Variants in ABCC5 observed in about 807,000 individuals in gnomAD.
ABCC5 encodes ATP binding cassette subfamily C member 5.
ABCC5 carries 61 observed loss-of-function variants against 160.9 expected under a neutral mutation model. The observed-to-expected ratio is 0.38, with a 90% confidence interval of 0.31 to 0.47. ABCC5 has a LOEUF of 0.47. ABCC5 is among the 20% of genes least tolerant of loss of function. The pLI is 0.99. For missense variants in ABCC5, 1,308 were observed against 1,813.3 expected (o/e 0.72, Z 5.06); for synonymous variants, 666 against 700.6 (o/e 0.95, Z 0.78).
intron 24 of ABCC5, among the ~76,000 whole-genome samples, chr3:183,943,853 A>G (rs1714592867): frequency 6.6e-6 from 1 of 152,134 alleles, no homozygotes; most frequent in South Asian, 2.1e-4. Context: ...CACTGCACAT[A>G]TGTACACACA....
In ABCC5 at chr3:183,982,920, G is replaced by C; in HGVS notation, c.679C>G (p.Leu227Val). The C allele has an allele frequency of 6.2e-7, 1 of 1,614,226 alleles. No homozygotes were observed. ...YSLLLVLGLLLTEIVRSWSLA... is the reference protein window; with the variant it reads ...YSLLLVLGLLVTEIVRSWSLA... Reference sequence around the variant, plus strand: ...GACCAAGACCGCACGATTTCCGTCAGGAGGAGGCCCAGCACTAACAACAAG... The same window carrying C: ...GACCAAGACCGCACGATTTCCGTCACGAGGAGGCCCAGCACTAACAACAAG... The change falls in exon 6 of 30, where the codon CTG (leucine) becomes GTG (valine). Residue 227 changes from leucine (L) to valine (V), a missense_variant. Physicochemically the swap from Leu to Val is conservative, Grantham distance 32. This residue lies in a region of ABCC5 where 1,142 missense variants were observed against 1,527.1 expected (regional missense o/e 0.75). Coordinates refer to ENST00000334444, the MANE Select transcript of ABCC5 (RefSeq NM_005688.4). This position sits in a 1 kb window ranked among gnomAD's most constrained non-coding sequence, Gnocchi z 5.2.
At chr3:184,003,279 C>G (rs751691354) in intron 2 of ABCC5, among the ~76,000 whole-genome samples, 3 of 152,048 alleles carry the variant, frequency 2.0e-5, no homozygotes, top group Non-Finnish European at 4.4e-5. Flanking sequence ...GATGTCCTCC[C>G]AAGACCGGCT....
chr3:183,941,685 C>T (rs1238598226), intron 25 of ABCC5, among the ~76,000 whole-genome samples: 7 of 151,794 alleles, frequency 4.6e-5, no homozygotes, highest in Non-Finnish European at 8.8e-5. Flanking sequence ...AATTCAGGAA[C>T]GAAAGTGAGA....
intron 5 of ABCC5, chr3:183,985,674 C>A: frequency 2.3e-6 from 1 of 430,980 alleles, no homozygotes; most frequent in South Asian, 2.1e-5. Context: ...CCAAAAAGGC[C>A]CCAAAGCATC....
At chr3:183,975,113 A>C (rs994645096) in intron 10 of ABCC5, among the ~76,000 whole-genome samples, 2 of 152,120 alleles carry the variant, frequency 1.3e-5, no homozygotes, top group Non-Finnish European at 2.9e-5. Flanking sequence ...TTTTGGGGAG[A>C]TACAATCCCA....
At position 183,994,049 on chromosome 3, in the gene ABCC5, C is replaced by T. The variant is rs527937622; in HGVS notation, c.130-4666G>A. Among the ~76,000 whole-genome samples the T allele has an allele frequency of 4.0e-5, 6 of 151,250 alleles. 1 individual carries two copies. Among genetic ancestry groups the T allele is most frequent in the African/African-American group, 9.7e-5 (4 of 41,224 alleles). Reference sequence around the variant, plus strand: ...CGCAATCTTGGCTCACTGCAATCTCCGCTTCCCGGGTTCCAGCAATTCACT... The same window carrying T: ...CGCAATCTTGGCTCACTGCAATCTCTGCTTCCCGGGTTCCAGCAATTCACT... On this transcript the variant is annotated intron_variant, in intron 2 of 29. Coordinates refer to ENST00000334444, the MANE Select transcript of ABCC5 (RefSeq NM_005688.4).
Position 183,945,940 on chromosome 3 carries a change from C to A in ABCC5, c.3415-1G>T. On this transcript the variant is annotated splice_acceptor_variant, in intron 23 of 29. Coordinates refer to ENST00000334444, the MANE Select transcript of ABCC5 (RefSeq NM_005688.4). LOFTEE classifies it high-confidence loss of function. ...CCGTAAACTGGAACAGCCCCGTTAA[C>A]TGATAATGGAAAACAACAATCAAAG... is the stretch of plus-strand genomic sequence containing the variant. 6.2e-7 allele frequency: 1 copy of A among 1,613,732 alleles called. No homozygotes were observed. Among genetic ancestry groups the A allele is most frequent in the African/African-American group, 1.3e-5 (1 of 75,042 alleles).
rs1245992501 is a variant in ABCC5 at position 184,001,191 on chromosome 3, T to C, written c.130-11808A>G. The C allele has an allele frequency of 6.0e-6, 3 of 496,938 alleles. No homozygotes were observed. The East Asian group carries it at 9.3e-5, about 15-fold the overall frequency. The allele number at this position is 496,938 out of a possible 1,614,324, so 30.8% of individuals were successfully genotyped here. On this transcript the variant is annotated intron_variant, in intron 2 of 29. Transcript: ENST00000334444. ...TCACAGGAGCCCAGGTGTTTGACGC[T>C]GCAGTGAGCCATGGTCATGCCACCG...
chr3:183,974,726 T>A (rs950910998), intron 10 of ABCC5, among the ~76,000 whole-genome samples: 2 of 152,230 alleles, frequency 1.3e-5, no homozygotes, highest in African/African-American at 4.8e-5. Flanking sequence ...CCTATTCCAC[T>A]GGTGACAATC....
chr3:183,952,357 T>A (rs1319737631), intron 18 of ABCC5, among the ~76,000 whole-genome samples: 1 of 152,136 alleles, frequency 6.6e-6, no homozygotes, highest in African/African-American at 2.4e-5. Flanking sequence ...ATGTTGGCCA[T>A]GCTGGTCTTG....
At chr3:184,012,497 A>G (rs1056939614) in intron 2 of ABCC5, among the ~76,000 whole-genome samples, 1 of 152,220 alleles carries the variant, frequency 6.6e-6, no homozygotes, top group East Asian at 1.9e-4. Context: ...CCCATTTTAT[A>G]TACAAATGAC....
intron 2 of ABCC5, among the ~76,000 whole-genome samples, chr3:184,013,453 C>T (rs1302055119): frequency 6.6e-6 from 1 of 152,044 alleles, no homozygotes; most frequent in African/African-American, 2.4e-5. Flanking sequence ...AGGGTTTCAC[C>T]GTGTTGGCCA....
intron 8 of ABCC5, among the ~76,000 whole-genome samples, chr3:183,980,555 G>A (rs1179122285): frequency 6.6e-6 from 1 of 152,046 alleles, no homozygotes; most frequent in Non-Finnish European, 1.5e-5. Flanking sequence ...AGGCAGCCCC[G>A]TCCACTGCTG....
chr3:183,957,407 T>A (rs1279954401), intron 17 of ABCC5, among the ~76,000 whole-genome samples: 4 of 119,278 alleles, frequency 3.4e-5, no homozygotes, highest in East Asian at 3.5e-4. Context: ...TCCGTGTGTA[T>A]ATCACATCGG....
chr3:184,000,890 A>C (rs1720694428), intron 2 of ABCC5: 1 of 242,926 alleles, frequency 4.1e-6, no homozygotes, highest in Admixed American at 5.5e-5. Context: ...TGTCCAATAG[A>C]AATATAATGC....
chr3:183,969,332 TAGC>T (rs1205937654), intron 11 of ABCC5, among the ~76,000 whole-genome samples: 2 of 152,180 alleles, frequency 1.3e-5, no homozygotes, highest in Non-Finnish European at 2.9e-5. Context: ...ATAGAGCTGA[TAGC>T]AATGTATTAG....
At position 183,951,849 on chromosome 3, in the gene ABCC5, A is replaced by G. The variant is rs1159918379; in HGVS notation, c.2814+8T>C. ...GGAGGAGGGCAGAGACCACCCACCAATGCATACCTTGACAAAGACAACTCC... is the reference window on the plus strand; with the variant it reads ...GGAGGAGGGCAGAGACCACCCACCAGTGCATACCTTGACAAAGACAACTCC... On this transcript the variant is annotated splice_region_variant and intron_variant, in intron 19 of 29. Coordinates refer to ENST00000334444, the MANE Select transcript of ABCC5 (RefSeq NM_005688.4). This position sits in a 1 kb window ranked among gnomAD's most constrained non-coding sequence, Gnocchi z 4.7. 2 of 1,612,716 alleles carry G rather than the reference A, an allele frequency of 1.2e-6. No individual in the cohort carries two copies. The highest frequency in any genetic ancestry group is 1.7e-6 in the Non-Finnish European group (2 of 1,179,546).
intron 5 of ABCC5, chr3:183,985,562 G>C (rs1346192644): frequency 1.8e-5 from 13 of 719,496 alleles, no homozygotes; most frequent in Admixed American, 1.1e-4. Flanking sequence ...CACCAAGAGA[G>C]AGCACTGCAG....
intron 10 of ABCC5, among the ~76,000 whole-genome samples, chr3:183,973,269 T>A (rs1292167968): frequency 6.6e-6 from 1 of 151,596 alleles, no homozygotes; most frequent in East Asian, 2.0e-4. Flanking sequence ...TTAGCCAGGA[T>A]GTCTAGATCT....
Sources: allele counts gnomAD v4.1 joint callset (sites outside exome capture counted in the v4.1 genomes callset), GRCh38; gene constraint gnomAD v4.1.1; regional missense constraint gnomAD v4.1.1; non-coding constraint Gnocchi (gnomAD v3.1); transcripts MANE v1.5; gene names NCBI Gene and HGNC (gene_info 2026-07-23, HGNC 2026-07-21).